RBFOX1: variants seen among roughly 807,000 people sequenced by gnomAD.
RBFOX1 encodes RNA binding protein fox-1 homolog 1.
In RBFOX1, 8 loss-of-function variants were observed where a neutral mutation model predicts 57.7. The ratio of observed to expected loss-of-function variants is 0.14; its 90% confidence interval spans 0.08 to 0.25. RBFOX1 has a LOEUF of 0.25. RBFOX1 is among the 10% of genes least tolerant of loss of function. The pLI, the probability that RBFOX1 is intolerant of heterozygous loss-of-function variation, is 1.00. For synonymous variants in RBFOX1, 326 were observed against 222.4 expected (o/e 1.47, Z -4.15); for missense variants, 611 against 548.5 (o/e 1.11, Z -1.14).
intron 4 of RBFOX1, among the ~76,000 whole-genome samples, chr16:7,170,037 G>A (rs927687707): frequency 6.6e-6 from 1 of 152,128 alleles, no homozygotes; most frequent in Non-Finnish European, 1.5e-5. Context: ...TTGTGCCAAT[G>A]CACTCTAGCC....
intron 1 of RBFOX1, among the ~76,000 whole-genome samples, chr16:6,240,142 G>A (rs1006905782): frequency 3.9e-5 from 6 of 152,166 alleles, no homozygotes; most frequent in South Asian, 4.1e-4. Context: ...CTTCCGCCAT[G>A]AGTGAAAGTT....
intron 5 of RBFOX1, among the ~76,000 whole-genome samples, chr16:7,575,858 C>T (rs1367639703): frequency 2.0e-5 from 3 of 152,210 alleles, no homozygotes; most frequent in Non-Finnish European, 4.4e-5. Flanking sequence ...GCGTTAGGCT[C>T]TGAGGTAGCT....
intron 3 of RBFOX1, among the ~76,000 whole-genome samples, chr16:6,890,692 G>C (rs188551364): frequency 6.6e-6 from 1 of 152,260 alleles, no homozygotes; most frequent in African/African-American, 2.4e-5. Context: ...CAGTTTCCTG[G>C]GATTTCCGTA....
chr16:7,465,456 C>T (rs1365027362), intron 4 of RBFOX1, among the ~76,000 whole-genome samples: 2 of 152,194 alleles, frequency 1.3e-5, no homozygotes, highest in African/African-American at 2.4e-5. Flanking sequence ...GGGAGCAGCA[C>T]CGTCATCTCT....
chr16:6,067,119 G>A (rs149807092), intron 1 of RBFOX1, among the ~76,000 whole-genome samples: 68 of 152,274 alleles, frequency 4.5e-4, no homozygotes, highest in African/African-American at 1.6e-3. Flanking sequence ...TTATAAGATT[G>A]AGTGTGTCAT....
intron 4 of RBFOX1, among the ~76,000 whole-genome samples, chr16:7,418,738 C>G (rs1393645282): frequency 6.6e-6 from 1 of 151,980 alleles, no homozygotes; most frequent in Non-Finnish European, 1.5e-5. Context: ...ACTTTATGGT[C>G]TTATCCTCTT....
chr16:6,607,301 A>G (rs537331830), intron 2 of RBFOX1, among the ~76,000 whole-genome samples: 1 of 152,208 alleles, frequency 6.6e-6, no homozygotes, highest in Non-Finnish European at 1.5e-5. Context: ...GTCAGCTCTC[A>G]TATTCACATC....
intron 4 of RBFOX1, among the ~76,000 whole-genome samples, chr16:7,471,558 A>T (rs189243379): frequency 6.6e-6 from 1 of 150,814 alleles, no homozygotes; most frequent in African/African-American, 2.4e-5. Context: ...AGGACATTTC[A>T]AAAAAAATGA....
At chr16:6,601,938 C>G (rs1349066744) in intron 2 of RBFOX1, among the ~76,000 whole-genome samples, 2 of 152,230 alleles carry the variant, frequency 1.3e-5, no homozygotes, top group Admixed American at 6.5e-5. Flanking sequence ...GTAATGGGGT[C>G]AAATCATTAA....
chr16:6,769,229 C>G (rs192473560), intron 3 of RBFOX1, among the ~76,000 whole-genome samples: 1 of 152,254 alleles, frequency 6.6e-6, no homozygotes. Flanking sequence ...TTTCCCTGCA[C>G]AAGTTCTTTC....
chr16:6,839,904 C>G (rs187776941), intron 3 of RBFOX1, among the ~76,000 whole-genome samples: 3 of 152,302 alleles, frequency 2.0e-5, no homozygotes, highest in Admixed American at 6.5e-5. Context: ...GATTTCTTAA[C>G]TTTCAATTGC....
At chr16:7,018,827 AC>A (rs1375041983) in intron 3 of RBFOX1, among the ~76,000 whole-genome samples, 1 of 151,952 alleles carries the variant, frequency 6.6e-6, no homozygotes, top group African/African-American at 2.4e-5. Context: ...ACAGATTAAA[AC>A]CCACTCTAGG....
At chr16:6,187,585 A>G (rs553345270) in intron 1 of RBFOX1, among the ~76,000 whole-genome samples, 1 of 152,292 alleles carries the variant, frequency 6.6e-6, no homozygotes, top group African/African-American at 2.4e-5. Flanking sequence ...ACCCAGCTGG[A>G]ACCAAGGATA....
chr16:6,905,200 C>T (rs1190671302), intron 3 of RBFOX1, among the ~76,000 whole-genome samples: 1 of 151,858 alleles, frequency 6.6e-6, no homozygotes, highest in African/African-American at 2.4e-5. Flanking sequence ...CTCAATAACA[C>T]TTGTTCCTTA....
intron 3 of RBFOX1, among the ~76,000 whole-genome samples, chr16:5,761,378 G>A (rs2053583427): frequency 6.6e-6 from 1 of 152,170 alleles, no homozygotes. Flanking sequence ...TATTTCCCAA[G>A]GAATATGTTC....
At chr16:6,177,788 C>T (rs1470793334) in intron 1 of RBFOX1, among the ~76,000 whole-genome samples, 1 of 152,046 alleles carries the variant, frequency 6.6e-6, no homozygotes, top group East Asian at 1.9e-4. Context: ...GACTTTCATA[C>T]TCATTGTGGA....
At chr16:7,255,755 T>A (rs529971093) in intron 4 of RBFOX1, among the ~76,000 whole-genome samples, 51 of 152,368 alleles carry the variant, frequency 3.3e-4, no homozygotes, top group African/African-American at 1.2e-3. Context: ...CATATTTCAA[T>A]ATATAATCAA....
chr16:6,609,561 A>G (rs543895098), intron 2 of RBFOX1, among the ~76,000 whole-genome samples: 129 of 152,166 alleles, frequency 8.5e-4, no homozygotes, highest in African/African-American at 2.9e-3. Flanking sequence ...CCAGGCTGGT[A>G]TGATTTTTCT....
intron 4 of RBFOX1, among the ~76,000 whole-genome samples, chr16:7,211,959 C>T (rs1567725411): frequency 6.6e-6 from 1 of 152,254 alleles, no homozygotes; most frequent in South Asian, 2.1e-4. Context: ...CCCCTACTCC[C>T]TCCTACCCAC....
Sources: allele counts gnomAD v4.1 joint callset (sites outside exome capture counted in the v4.1 genomes callset), GRCh38; gene constraint gnomAD v4.1.1; transcripts MANE v1.5; gene names NCBI Gene and HGNC (gene_info 2026-07-23, HGNC 2026-07-21).